RPS6KC1: variants seen among roughly 807,000 people sequenced by gnomAD.
RPS6KC1 encodes the protein ribosomal protein S6 kinase C1.
A neutral mutation model predicts 103.8 loss-of-function variants in RPS6KC1; 54 were observed. That is an observed-to-expected ratio of 0.52 (90% CI 0.42 to 0.65). RPS6KC1 has a LOEUF of 0.65. Ranked by LOEUF, RPS6KC1 falls within the 30% of genes least tolerant of loss-of-function variation. The pLI, the probability that RPS6KC1 is intolerant of heterozygous loss-of-function variation, is 0.00. For synonymous variants in RPS6KC1, 439 were observed against 438.7 expected (o/e 1.00, Z -0.01); for missense variants, 1,151 against 1,253.8 (o/e 0.92, Z 1.24).
At chr1:213,698,651 A>G in the RPS6KC1 span, among the ~76,000 whole-genome samples, 7 of 152,058 alleles carry the variant, frequency 4.6e-5, no homozygotes, top group Admixed American at 3.3e-4. Flanking sequence ...GCCTGTATAT[A>G]TATATATATT....
the RPS6KC1 span, among the ~76,000 whole-genome samples, chr1:213,328,521 TATATATATATATATATATATCA>T: frequency 1.2e-4 from 8 of 65,150 alleles, no homozygotes; most frequent in East Asian, 1.1e-3. Context: ...TATATATATA[TATATATATATATATATATATCA>T]CACACACACG....
At chr1:213,530,032 T>TTTATTATTATTATTATTA in the RPS6KC1 span, among the ~76,000 whole-genome samples, 47 of 149,144 alleles carry the variant, frequency 3.2e-4, no homozygotes, top group African/African-American at 9.5e-4. Context: ...CTTCACTTCT[T>TTTATTATTATTATTATTA]TTATTATTAT....
the RPS6KC1 span, among the ~76,000 whole-genome samples, chr1:213,455,374 G>T: frequency 6.6e-6 from 1 of 152,232 alleles, no homozygotes; most frequent in East Asian, 1.9e-4. Flanking sequence ...GGAAGGAAAT[G>T]TCAGGACAGT....
the RPS6KC1 span, among the ~76,000 whole-genome samples, chr1:213,536,688 A>C: frequency 6.6e-6 from 1 of 152,210 alleles, no homozygotes; most frequent in Non-Finnish European, 1.5e-5. Context: ...GATTGAAAGC[A>C]TACGAGAGCT....
At chr1:213,825,016 G>T in the RPS6KC1 span, among the ~76,000 whole-genome samples, 2 of 152,192 alleles carry the variant, frequency 1.3e-5, no homozygotes, top group Non-Finnish European at 2.9e-5. Context: ...GCAGTGCTAG[G>T]CCAGAGAAGA....
the RPS6KC1 span, among the ~76,000 whole-genome samples, chr1:213,854,687 T>C: frequency 2.0e-5 from 3 of 152,130 alleles, no homozygotes; most frequent in African/African-American, 7.2e-5. Context: ...GTTTACAGAC[T>C]TGCAAAATAA....
the RPS6KC1 span, among the ~76,000 whole-genome samples, chr1:213,526,563 T>G: frequency 1.3e-5 from 2 of 152,266 alleles, no homozygotes; most frequent in South Asian, 4.1e-4. Context: ...TGATGGTATG[T>G]GTGCTCAAAG....
the RPS6KC1 span, among the ~76,000 whole-genome samples, chr1:213,667,760 T>A: frequency 1.3e-5 from 2 of 152,236 alleles, no homozygotes; most frequent in Non-Finnish European, 2.9e-5. Flanking sequence ...TCTCAAACCC[T>A]GTTGCTGCTG....
the RPS6KC1 span, among the ~76,000 whole-genome samples, chr1:213,647,022 C>T: frequency 1.8e-4 from 27 of 152,086 alleles, no homozygotes; most frequent in African/African-American, 6.0e-4. Context: ...CTCTGCCTCC[C>T]GAGTAGCTGG....
the RPS6KC1 span, among the ~76,000 whole-genome samples, chr1:213,448,018 G>C: frequency 6.6e-6 from 1 of 152,024 alleles, no homozygotes; most frequent in Non-Finnish European, 1.5e-5. Context: ...AGGATTGCTT[G>C]AGGCCAGGAG....
the RPS6KC1 span, among the ~76,000 whole-genome samples, chr1:213,376,239 C>A: frequency 6.6e-6 from 1 of 152,040 alleles, no homozygotes; most frequent in Non-Finnish European, 1.5e-5. Context: ...TGAGATTAAA[C>A]TGTATGTAAA....
the RPS6KC1 span, among the ~76,000 whole-genome samples, chr1:213,600,100 C>T: frequency 9.9e-5 from 15 of 152,216 alleles, no homozygotes; most frequent in African/African-American, 3.1e-4. Flanking sequence ...TCTTGGCTCG[C>T]GCTTCCCTCT....
chr1:213,803,466 C>G, the RPS6KC1 span, among the ~76,000 whole-genome samples: 1 of 152,044 alleles, frequency 6.6e-6, no homozygotes, highest in Non-Finnish European at 1.5e-5. Flanking sequence ...AGGCTGGTTT[C>G]AAACTCCCGA....
chr1:213,060,733 A>C (rs1221599725), intron 1 of RPS6KC1, among the ~76,000 whole-genome samples: 1 of 152,176 alleles, frequency 6.6e-6, no homozygotes, highest in Non-Finnish European at 1.5e-5. Flanking sequence ...TACTGCTATA[A>C]TTGGTAAAAT....
chr1:213,485,112 C>T, the RPS6KC1 span, among the ~76,000 whole-genome samples: 1 of 152,148 alleles, frequency 6.6e-6, no homozygotes, highest in Non-Finnish European at 1.5e-5. Context: ...GCAATCCTCC[C>T]ATCCTGGCCT....
chr1:213,479,763 G>A, the RPS6KC1 span, among the ~76,000 whole-genome samples: 1 of 151,630 alleles, frequency 6.6e-6, no homozygotes, highest in Non-Finnish European at 1.5e-5. Context: ...ATAGAAATTT[G>A]TTTCTTTACA....
chr1:213,529,663 T>C, the RPS6KC1 span, among the ~76,000 whole-genome samples: 1 of 152,176 alleles, frequency 6.6e-6, no homozygotes, highest in Admixed American at 6.5e-5. Context: ...GCATAACTTA[T>C]TCTGGTTCAC....
the RPS6KC1 span, among the ~76,000 whole-genome samples, chr1:213,627,399 T>G: frequency 1.3e-5 from 2 of 152,114 alleles, no homozygotes; most frequent in African/African-American, 4.8e-5. Flanking sequence ...CTTTTCCTAA[T>G]TGAATACCCT....
At chr1:213,402,839 C>T in the RPS6KC1 span, among the ~76,000 whole-genome samples, 3 of 151,378 alleles carry the variant, frequency 2.0e-5, no homozygotes, top group South Asian at 6.3e-4. Context: ...GAACACATCA[C>T]GGGGTAATTA....
Sources: allele counts gnomAD v4.1 joint callset (sites outside exome capture counted in the v4.1 genomes callset), GRCh38; gene constraint gnomAD v4.1.1; transcripts MANE v1.5; gene names NCBI Gene and HGNC (gene_info 2026-07-23, HGNC 2026-07-21).